SPMIP2: variants seen among roughly 807,000 people sequenced by gnomAD.
The protein encoded by SPMIP2 is protein SPMIP2.
At chr4:158,953,797 A>C in the SPMIP2 span, among the ~76,000 whole-genome samples, 1 of 152,208 alleles carries the variant, frequency 6.6e-6, no homozygotes, top group Non-Finnish European at 1.5e-5. Flanking sequence ...GAGTCAAAGG[A>C]GATCAAATTT....
At chr4:159,051,283 C>G in the SPMIP2 span, among the ~76,000 whole-genome samples, 1 of 152,114 alleles carries the variant, frequency 6.6e-6, no homozygotes, top group East Asian at 1.9e-4. Flanking sequence ...GAAAAGGTAT[C>G]TAGCACATAG....
the SPMIP2 span, among the ~76,000 whole-genome samples, chr4:159,036,037 T>C: frequency 6.6e-6 from 1 of 152,220 alleles, no homozygotes; most frequent in Non-Finnish European, 1.5e-5. Flanking sequence ...TAATAGATGT[T>C]TGTGGGATGA....
chr4:158,945,143 C>G, the SPMIP2 span, among the ~76,000 whole-genome samples: 1 of 152,200 alleles, frequency 6.6e-6, no homozygotes, highest in Non-Finnish European at 1.5e-5. Context: ...CAATATTTCT[C>G]ACTTTTGAAC....
the SPMIP2 span, among the ~76,000 whole-genome samples, chr4:159,012,441 A>G: frequency 8.5e-5 from 13 of 152,212 alleles, no homozygotes; most frequent in Non-Finnish European, 1.8e-4. Flanking sequence ...ACCTGATCTG[A>G]TACCTTCACA....
chr4:158,988,402 A>G, the SPMIP2 span, among the ~76,000 whole-genome samples: 2 of 152,228 alleles, frequency 1.3e-5, no homozygotes, highest in Non-Finnish European at 2.9e-5. Flanking sequence ...TGAGGCCAGC[A>G]TCATCCTGAT....
At chr4:158,979,579 G>A in the SPMIP2 span, among the ~76,000 whole-genome samples, 1 of 152,108 alleles carries the variant, frequency 6.6e-6, no homozygotes, top group East Asian at 1.9e-4. Flanking sequence ...AGAGGGCAAT[G>A]GGTCAGGGAA....
the SPMIP2 span, among the ~76,000 whole-genome samples, chr4:158,998,996 C>CA: frequency 4.0e-5 from 6 of 151,856 alleles, no homozygotes; most frequent in Admixed American, 6.6e-5. Context: ...CCTGTCTCTA[C>CA]AAAAAAAATT....
chr4:159,017,371 A>ACACACACC, the SPMIP2 span, among the ~76,000 whole-genome samples: 1 of 151,600 alleles, frequency 6.6e-6, no homozygotes. Context: ...ACACACACAC[A>ACACACACC]CACACACACA....
chr4:158,979,801 T>TG, the SPMIP2 span, among the ~76,000 whole-genome samples: 1,551 of 147,492 alleles, frequency 0.011, 26 homozygotes, highest in African/African-American at 0.037. Flanking sequence ...TTTTTTTTTT[T>TG]TTTTTTTTTT....
chr4:159,008,250 C>T, the SPMIP2 span, among the ~76,000 whole-genome samples: 1 of 152,166 alleles, frequency 6.6e-6, no homozygotes, highest in Non-Finnish European at 1.5e-5. Context: ...TGGAGGATAA[C>T]ATATCTACAT....
chr4:158,946,374 C>A, the SPMIP2 span, among the ~76,000 whole-genome samples: 1 of 150,764 alleles, frequency 6.6e-6, no homozygotes, highest in Non-Finnish European at 1.5e-5. Context: ...TCTGTGTCCC[C>A]ACCCAAATCG....
the SPMIP2 span, chr4:159,035,095 A>G: frequency 1.2e-5 from 20 of 1,612,484 alleles, no homozygotes; most frequent in African/African-American, 2.3e-4. Context: ...TACAGATGCC[A>G]TGGCTAAAGT....
the SPMIP2 span, among the ~76,000 whole-genome samples, chr4:159,011,284 C>G: frequency 6.6e-6 from 1 of 152,088 alleles, no homozygotes; most frequent in East Asian, 1.9e-4. Context: ...ATATAAATCC[C>G]CATTCTTTGA....
the SPMIP2 span, among the ~76,000 whole-genome samples, chr4:159,020,920 C>A: frequency 2.1e-3 from 325 of 152,254 alleles, 4 homozygotes; most frequent in South Asian, 0.023. Context: ...CACCACCACG[C>A]CCGGCTAATT....
the SPMIP2 span, among the ~76,000 whole-genome samples, chr4:159,048,800 C>G: frequency 7.2e-6 from 1 of 138,802 alleles, no homozygotes; most frequent in Middle Eastern, 3.9e-3. Context: ...AACTTCTAGG[C>G]TCAAGTGATC....
At chr4:159,037,200 C>T in the SPMIP2 span, among the ~76,000 whole-genome samples, 2 of 152,132 alleles carry the variant, frequency 1.3e-5, no homozygotes, top group Non-Finnish European at 2.9e-5. Context: ...TAGGGTCAGA[C>T]ATTCTGATGG....
At chr4:159,067,333 C>T in the SPMIP2 span, among the ~76,000 whole-genome samples, 1 of 152,060 alleles carries the variant, frequency 6.6e-6, no homozygotes, top group African/African-American at 2.4e-5. Context: ...CAATGTCCGC[C>T]TCCTGGGTTC....
chr4:159,067,033 C>A, the SPMIP2 span, among the ~76,000 whole-genome samples: 1 of 152,138 alleles, frequency 6.6e-6, no homozygotes, highest in East Asian at 1.9e-4. Flanking sequence ...AAAAATTGGT[C>A]TTTCACATAT....
At chr4:159,017,336 A>AAAACAC in the SPMIP2 span, among the ~76,000 whole-genome samples, 2 of 119,700 alleles carry the variant, frequency 1.7e-5, no homozygotes, top group African/African-American at 3.3e-5. Context: ...ACAGTAAGAC[A>AAAACAC]AAACACAAAC....
Sources: gnomAD v4.1 joint callset for allele counts (sites outside exome capture counted in the v4.1 genomes callset) on GRCh38, gnomAD v4.1.1 for gene constraint, MANE v1.5 for transcripts, NCBI Gene and HGNC (gene_info 2026-07-23, HGNC 2026-07-21) for gene names.